The following TMEM196 variants were observed in gnomAD, a reference collection of about 807,000 sequenced individuals.
The protein encoded by TMEM196 is transmembrane protein 196.
A neutral mutation model predicts 20.0 loss-of-function variants in TMEM196; 17 were observed. That is an observed-to-expected ratio of 0.85 (90% CI 0.58 to 1.27). The LOEUF (loss-of-function observed/expected upper bound fraction) is 1.27, where lower values mean the gene tolerates loss of function less well. TMEM196 is among the 50% of genes most tolerant of loss of function. The pLI is 0.00. For missense variants in TMEM196, 267 were observed against 223.0 expected (o/e 1.20, Z -1.26); for synonymous variants, 113 against 88.9 (o/e 1.27, Z -1.52).
intron 1 of TMEM196, among the ~76,000 whole-genome samples, chr7:19,762,184 G>C (rs1359220478): frequency 6.6e-6 from 1 of 151,836 alleles, no homozygotes; most frequent in African/African-American, 2.4e-5. Flanking sequence ...ATAAATCTTA[G>C]TTATAGTCAT....
intron 1 of TMEM196, among the ~76,000 whole-genome samples, chr7:19,747,200 A>T (rs1372809164): frequency 6.6e-6 from 1 of 150,378 alleles, no homozygotes; most frequent in Non-Finnish European, 1.5e-5. Flanking sequence ...GCTTGCAGTT[A>T]GCCGAGATCG....
At chr7:19,760,484 C>T (rs1785395137) in intron 1 of TMEM196, among the ~76,000 whole-genome samples, 1 of 150,558 alleles carries the variant, frequency 6.6e-6, no homozygotes, top group South Asian at 2.1e-4. Flanking sequence ...CCTCAGTCTC[C>T]CAAGTAGCCG....
chr7:19,743,572 T>C (rs978015887), intron 1 of TMEM196, among the ~76,000 whole-genome samples: 5 of 152,144 alleles, frequency 3.3e-5, no homozygotes, highest in African/African-American at 9.7e-5. Flanking sequence ...GTATACATAA[T>C]TGGACTGTGA....
In TMEM196 at chr7:19,732,585, C is replaced by CA. The variant is rs1325672938; in HGVS notation, c.148-3148dup. Among the ~76,000 whole-genome samples, 694 of 83,966 alleles carry CA rather than the reference C, an allele frequency of 8.3e-3. 6 individuals are homozygous for CA. Among genetic ancestry groups the CA allele is most frequent in the Admixed American group, 0.015 (122 of 7,988 alleles). The allele number at this position is 83,966 out of a possible 152,430, so 55.1% of individuals were successfully genotyped here. On this transcript the variant is annotated intron_variant, in intron 1 of 4. Transcript: ENST00000405844. ...AAGACTCCATCTCAAAAAAAAAAAACAAAAAAAAAAAAAACGGAATGGAAG... is the reference window on the plus strand; with the variant it reads ...AAGACTCCATCTCAAAAAAAAAAAACAAAAAAAAAAAAAAACGGAATGGAAG...
At chr7:19,735,202 A>T (rs578063429) in intron 1 of TMEM196, among the ~76,000 whole-genome samples, 101 of 152,306 alleles carry the variant, frequency 6.6e-4, no homozygotes, top group Admixed American at 5.0e-3. Flanking sequence ...CAAATTTTTT[A>T]AAAAAAGATG....
At chr7:19,735,890 C>T (rs1417995880) in intron 1 of TMEM196, among the ~76,000 whole-genome samples, 1 of 152,094 alleles carries the variant, frequency 6.6e-6, no homozygotes, top group Non-Finnish European at 1.5e-5. Flanking sequence ...TTTTTACCCA[C>T]AAGATAATGA....
chr7:19,756,065 C>T (rs1276872023), intron 1 of TMEM196, among the ~76,000 whole-genome samples: 1 of 148,356 alleles, frequency 6.7e-6, no homozygotes, highest in Non-Finnish European at 1.5e-5. Context: ...AGTTTCCTGA[C>T]CAGCTACTCA....
intron 1 of TMEM196, among the ~76,000 whole-genome samples, chr7:19,730,044 C>G (rs529626994): frequency 6.6e-6 from 1 of 152,170 alleles, no homozygotes. Flanking sequence ...ATCACAAGGT[C>G]AGGAGATCGA....
Position 19,724,407 on chromosome 7 carries a change from A to G in TMEM196, c.460-54T>C, listed in dbSNP as rs140620717. The G allele has an allele frequency of 8.9e-4, 1,298 of 1,461,134 alleles. 11 individuals are homozygous for G. In the African/African-American group the frequency reaches 0.016, roughly 18 times the overall value. The allele number at this position is 1,461,134 out of a possible 1,614,324, so 90.5% of individuals were successfully genotyped here. On this transcript the variant is annotated intron_variant, in intron 3 of 4. Coordinates refer to ENST00000405844, the MANE Select transcript of TMEM196 (RefSeq NM_001363562.2). ...AATATTGCACAAATATATACAGAAA[A>G]CTAAATCAGACTAGTATAAAATAAA...
intron 1 of TMEM196, among the ~76,000 whole-genome samples, chr7:19,758,732 C>G (rs1785313511): frequency 6.6e-6 from 1 of 152,178 alleles, no homozygotes; most frequent in Non-Finnish European, 1.5e-5. Context: ...AGAATTCTAT[C>G]CCTTCTTTAC....
intron 1 of TMEM196, among the ~76,000 whole-genome samples, chr7:19,765,353 C>G (rs962474786): frequency 1.3e-5 from 2 of 152,034 alleles, no homozygotes; most frequent in Non-Finnish European, 2.9e-5. Flanking sequence ...ACTATTGGTA[C>G]TAATAAATCA....
At chr7:19,755,943 C>T (rs142651756) in intron 1 of TMEM196, among the ~76,000 whole-genome samples, 2,491 of 152,010 alleles carry the variant, frequency 0.016, 77 homozygotes, top group African/African-American at 0.056. Context: ...GCACAAGAAT[C>T]GCTTGAACCT....
chr7:19,728,451 T>A (rs972238834), intron 2 of TMEM196, among the ~76,000 whole-genome samples: 2 of 152,198 alleles, frequency 1.3e-5, no homozygotes, highest in African/African-American at 4.8e-5. Context: ...CTAAAATTGC[T>A]GTCTAAAGCA....
At chr7:19,722,776 A>G (rs190057548) in intron 4 of TMEM196, among the ~76,000 whole-genome samples, 49 of 152,316 alleles carry the variant, frequency 3.2e-4, no homozygotes, top group African/African-American at 9.9e-4. Flanking sequence ...ATAGATGCAA[A>G]GGACAAACTA....
rs144093638 is a variant in TMEM196 at position 19,739,315 on chromosome 7, T to C, written c.148-9877A>G. 5.7e-3 allele frequency among the ~76,000 whole-genome samples: 868 copies of C among 152,230 alleles called. 3 individuals carry two copies. The highest frequency in any genetic ancestry group is 8.6e-3 in the Non-Finnish European group (582 of 67,996). On this transcript the variant is annotated intron_variant, in intron 1 of 4. Transcript: ENST00000405844. Reference sequence around the variant, plus strand: ...CAGTAATATTCATATATGCCAGTGATAAAATTCCTAAAAATAAATTGTGTA... The same window carrying C: ...CAGTAATATTCATATATGCCAGTGACAAAATTCCTAAAAATAAATTGTGTA...
intron 2 of TMEM196, among the ~76,000 whole-genome samples, chr7:19,728,924 C>G (rs1228172196): frequency 6.6e-6 from 1 of 152,196 alleles, no homozygotes; most frequent in Non-Finnish European, 1.5e-5. Context: ...TAAACTGTAA[C>G]CATAGCAACA....
rs184084065 is a variant in TMEM196, at chr7:19,731,239, T to C, written c.148-1801A>G. On this transcript the variant is annotated intron_variant, in intron 1 of 4. Transcript: ENST00000405844. ...TTTAGAAATAGATCTAATAAAATATTTTTAGTATTATAAAACCATGAGAAG... is the reference window on the plus strand; with the variant it reads ...TTTAGAAATAGATCTAATAAAATATCTTTAGTATTATAAAACCATGAGAAG... 2.0e-5 allele frequency among the ~76,000 whole-genome samples: 3 copies of C among 152,270 alleles called. No homozygotes were observed. The East Asian group carries it at 5.8e-4, about 29-fold the overall frequency.
chr7:19,723,439 C>A (rs552246065), intron 4 of TMEM196, among the ~76,000 whole-genome samples: 53 of 152,222 alleles, frequency 3.5e-4, no homozygotes, highest in African/African-American at 1.3e-3. Context: ...GTTATATTAA[C>A]CTTTTATTGC....
At chr7:19,731,410 A>G (rs1262499201) in intron 1 of TMEM196, among the ~76,000 whole-genome samples, 2 of 152,114 alleles carry the variant, frequency 1.3e-5, no homozygotes, top group Admixed American at 6.5e-5. Flanking sequence ...TCTGTTACTA[A>G]TTTCATCTCA....
Sources: allele counts gnomAD v4.1 joint callset (sites outside exome capture counted in the v4.1 genomes callset), GRCh38; gene constraint gnomAD v4.1.1; transcripts MANE v1.5; gene names NCBI Gene and HGNC (gene_info 2026-07-23, HGNC 2026-07-21).